The following ZNF23 variants were observed in gnomAD, a reference collection of about 807,000 sequenced individuals.
ZNF23 encodes the protein zinc finger protein 23, also known as kruppel-like zinc finger factor X31.
Under a neutral mutation model 56.2 loss-of-function variants are expected in ZNF23, and 48 were observed. The ratio of observed to expected loss-of-function variants is 0.85; its 90% CI spans 0.68 to 1.09. The LOEUF (loss-of-function observed/expected upper bound fraction) is 1.09, where lower values mean the gene tolerates loss of function less well. Among genes scored for constraint, ZNF23 ranks in the 50% least tolerant of loss-of-function variants. ZNF23 has a pLI of 0.00. For missense variants in ZNF23, 805 were observed against 811.4 expected (o/e 0.99, Z 0.10); for synonymous variants, 266 against 283.3 (o/e 0.94, Z 0.61).
chr16:71,451,922 G>A (rs2043068375), intron 4 of ZNF23: 1 of 152,184 alleles, frequency 6.6e-6, no homozygotes, highest in Admixed American at 6.5e-5. Flanking sequence ...CAGCAAATGA[G>A]TCTTAAACAG....
intron 4 of ZNF23, chr16:71,450,612 G>A (rs545202881): frequency 3.3e-5 from 13 of 396,946 alleles, no homozygotes; most frequent in South Asian, 1.7e-4. Flanking sequence ...CCAGCTACTC[G>A]GGAGGATGAG....
chr16:71,455,291 C>G (rs2043187533), intron 2 of ZNF23, among the ~76,000 whole-genome samples: 1 of 152,094 alleles, frequency 6.6e-6, no homozygotes, highest in Non-Finnish European at 1.5e-5. Flanking sequence ...AGCCAGAAAC[C>G]TGGGGATTGT....
chr16:71,456,167 G>T (rs547889023), intron 2 of ZNF23: 6 of 420,306 alleles, frequency 1.4e-5, no homozygotes, highest in South Asian at 1.1e-4. Flanking sequence ...TGTTCTGCAG[G>T]TTCCCCGCAC....
At chr16:71,454,972 G>A (rs1158364646) in intron 2 of ZNF23, among the ~76,000 whole-genome samples, 1 of 152,008 alleles carries the variant, frequency 6.6e-6, no homozygotes, top group Non-Finnish European at 1.5e-5. Context: ...TGCAGCCTCT[G>A]GGAGGCTTAC....
intron 1 of ZNF23, among the ~76,000 whole-genome samples, chr16:71,461,440 G>A (rs928570984): frequency 1.5e-4 from 23 of 152,150 alleles, no homozygotes; most frequent in African/African-American, 5.5e-4. Context: ...AGCAACTTTG[G>A]AAAACAGTAT....
intron 4 of ZNF23, chr16:71,450,498 T>C: frequency 3.6e-6 from 1 of 274,150 alleles, no homozygotes; most frequent in Non-Finnish European, 7.3e-6. Flanking sequence ...GCAGGCAGAT[T>C]GCCTGAGCTT....
At chr16:71,453,116 C>A in intron 4 of ZNF23, 127 bp downstream of exon 4, 1 of 627,402 alleles carries the variant, frequency 1.6e-6, no homozygotes, top group Non-Finnish European at 2.8e-6. Flanking sequence ...TATGAATCAT[C>A]AAAATTTACT....
At chr16:71,457,947 G>A (rs912736076) in intron 1 of ZNF23, among the ~76,000 whole-genome samples, 1 of 152,234 alleles carries the variant, frequency 6.6e-6, no homozygotes, top group Admixed American at 6.5e-5. Flanking sequence ...AGACCCCAGG[G>A]AGGCAGCGCC....
At position 71,449,120 on chromosome 16, in the gene ZNF23, T is replaced by C; in HGVS notation, c.1034A>G (p.His345Arg). 6.2e-7 allele frequency: 1 copy of C among 1,614,226 alleles called. No individual in the cohort carries two copies. The part of the protein sequence containing the change: ...SSAYITHQRV[H>R]TGEKPYECND... Reference sequence around the variant, plus strand: ...ACACTCGTAAGGTTTCTCTCCAGTGTGGACTCTCTGATGTGTAATATATGC... The same window carrying C: ...ACACTCGTAAGGTTTCTCTCCAGTGCGGACTCTCTGATGTGTAATATATGC... Residue 345 changes from histidine to arginine, a missense_variant, in exon 5 of 5, where the codon CAC becomes CGC. Coordinates refer to ENST00000647773, the MANE Select transcript of ZNF23 (RefSeq NM_001381984.1).
rs755520003 is a variant in ZNF23 at position 71,448,375 on chromosome 16, G to A, written c.1779C>T (p.His593=). The part of the protein sequence containing the change: ...AFSCSSNYIV[H]QRIHTGEKPF... ...GTTTCTCTCCTGTATGGATTCTCTG[G>A]TGCACAATATAGTTAGAACTACAGC... Residue 593 remains histidine, a synonymous_variant, in exon 5 of 5, where the codon CAC becomes CAT. Transcript: ENST00000647773. 4.3e-6 allele frequency: 7 copies of A among 1,613,700 alleles called. No individual in the cohort carries two copies. The East Asian group carries it at 1.3e-4, about 31-fold the overall frequency.
rs1414701571 is a variant in ZNF23, at chr16:71,449,635, C to G, written c.519G>C (p.Gln173His). ...GCTGCTCTCCAGTGATGGTATGACACTGATATGAGTTTGAACTTTGACTAA... is the reference window on the plus strand; with the variant it reads ...GCTGCTCTCCAGTGATGGTATGACAGTGATATGAGTTTGAACTTTGACTAA... ...CFFSQSSNSY[Q>H]CHTITGEQPS... Residue 173 changes from glutamine to histidine, a missense_variant, in exon 5 of 5, where the codon CAG becomes CAC. Coordinates refer to ENST00000647773, the MANE Select transcript of ZNF23 (RefSeq NM_001381984.1). 6 of 1,613,828 alleles carry G rather than the reference C, an allele frequency of 3.7e-6. No homozygotes were observed. Among genetic ancestry groups the G allele is most frequent in the Non-Finnish European group, 2.5e-6 (3 of 1,180,028 alleles).
At chr16:71,459,558 TATTC>T (rs1045914028) in intron 1 of ZNF23, among the ~76,000 whole-genome samples, 9 of 152,234 alleles carry the variant, frequency 5.9e-5, no homozygotes, top group Admixed American at 1.3e-4. Context: ...TTGCATGACT[TATTC>T]ATTTATTTTC....
At position 71,449,264 on chromosome 16, in the gene ZNF23, C is replaced by T. The variant is rs759592226; in HGVS notation, c.890G>A (p.Cys297Tyr). 1 of 1,614,226 alleles carries T rather than the reference C, an allele frequency of 6.2e-7. No homozygotes were observed. The highest frequency in any genetic ancestry group is 8.5e-7 in the Non-Finnish European group (1 of 1,180,036). Residue 297 changes from cysteine (C) to tyrosine (Y), a missense_variant, in exon 5 of 5, where the codon TGT becomes TAT. Coordinates refer to ENST00000647773, the MANE Select transcript of ZNF23 (RefSeq NM_001381984.1). ...ACTGAAGGCCTTCCCACACATCTTA[C>T]ACTGATAGGGCTTCTCCCCACTGTG... ...TIHSGEKPYQ[C>Y]KMCGKAFSVN...
chr16:71,457,361 A>G (rs8043705), intron 1 of ZNF23, among the ~76,000 whole-genome samples: 18,284 of 152,184 alleles, frequency 0.12, 1,512 homozygotes, highest in East Asian at 0.33. Context: ...TCAGGAGATC[A>G]AGACCATCCT....
intron 2 of ZNF23, among the ~76,000 whole-genome samples, chr16:71,456,481 C>G (rs1479768307): frequency 6.6e-6 from 1 of 152,146 alleles, no homozygotes; most frequent in Admixed American, 6.5e-5. Context: ...TTTCCACGTC[C>G]CCATTCACCC....
Position 71,459,745 on chromosome 16 carries a change from T to C in ZNF23, c.-33+2465A>G, listed in dbSNP as rs118162398. Among the ~76,000 whole-genome samples, 47 of 152,368 alleles carry C rather than the reference T, an allele frequency of 3.1e-4. 1 individual carries two copies. The East Asian group carries it at 8.9e-3, about 29-fold the overall frequency. ...ATTGCTTAGGATAGTTTACTGTTGC[T>C]AATTTCTTCTGTTTATAAGTTCTGG... On this transcript the variant is annotated intron_variant, in intron 1 of 4. Coordinates refer to ENST00000647773, the MANE Select transcript of ZNF23 (RefSeq NM_001381984.1).
chr16:71,450,770 C>A, intron 4 of ZNF23: 1 of 407,884 alleles, frequency 2.5e-6, no homozygotes, highest in South Asian at 1.8e-5. Flanking sequence ...TCTTGTCCAC[C>A]AGCTCAGCAT....
intron 1 of ZNF23, among the ~76,000 whole-genome samples, chr16:71,461,449 A>G (rs2043452438): frequency 6.6e-6 from 1 of 152,216 alleles, no homozygotes; most frequent in Non-Finnish European, 1.5e-5. Flanking sequence ...GGAAAACAGT[A>G]TTTTGACTAA....
intron 2 of ZNF23, 102 bp downstream of exon 2, chr16:71,456,662 C>T (rs2043244379): frequency 2.0e-6 from 2 of 980,342 alleles, no homozygotes; most frequent in Non-Finnish European, 2.4e-6. Context: ...TCCAGTCCAG[C>T]AGGTGGAAGC....
Sources: gnomAD v4.1 joint callset for allele counts (sites outside exome capture counted in the v4.1 genomes callset) on GRCh38, gnomAD v4.1.1 for gene constraint, MANE v1.5 for transcripts, NCBI Gene and HGNC (gene_info 2026-07-23, HGNC 2026-07-21) for gene names.